Variants in SGCZ observed in about 807,000 individuals in gnomAD.
SGCZ encodes sarcoglycan zeta.
In SGCZ, 40 loss-of-function variants were observed where a neutral mutation model predicts 41.3. The ratio of observed to expected loss-of-function variants is 0.97; its 90% CI spans 0.75 to 1.26. The LOEUF (loss-of-function observed/expected upper bound fraction) is 1.26. Ranked by LOEUF, SGCZ falls within the 50% of genes most tolerant of loss-of-function variation. The pLI, the probability that SGCZ is intolerant of heterozygous loss-of-function variation, is 0.00. For synonymous variants in SGCZ, 206 were observed against 137.5 expected (o/e 1.50, Z -3.49); for missense variants, 552 against 369.8 (o/e 1.49, Z -4.04).
At chr8:14,936,565 A>T (rs1800091338) in intron 1 of SGCZ, among the ~76,000 whole-genome samples, 1 of 151,932 alleles carries the variant, frequency 6.6e-6, no homozygotes, top group South Asian at 2.1e-4. Flanking sequence ...TTTAAGTTGG[A>T]CTTTTGTAAG....
intron 1 of SGCZ, among the ~76,000 whole-genome samples, chr8:14,980,670 T>C (rs1424798067): frequency 2.6e-5 from 4 of 152,016 alleles, no homozygotes. Flanking sequence ...GATAAAACCA[T>C]CAGATCTCAT....
intron 7 of SGCZ, among the ~76,000 whole-genome samples, chr8:14,095,879 T>A (rs1801829140): frequency 6.6e-6 from 1 of 152,074 alleles, no homozygotes; most frequent in Non-Finnish European, 1.5e-5. Context: ...TGAGTGGGAG[T>A]TGACTCATGA....
At chr8:14,734,547 T>G (rs550762375) in intron 1 of SGCZ, among the ~76,000 whole-genome samples, 1 of 152,154 alleles carries the variant, frequency 6.6e-6, no homozygotes, top group Non-Finnish European at 1.5e-5. Flanking sequence ...TATTTGCCCA[T>G]TAGTCTTTTT....
chr8:14,244,136 T>TTCTTCCTTCTTCCTCCTCC (rs57852864), intron 3 of SGCZ, among the ~76,000 whole-genome samples: 3 of 135,922 alleles, frequency 2.2e-5, no homozygotes, highest in African/African-American at 8.4e-5. Flanking sequence ...TCCCCTTCTT[T>TTCTTCCTTCTTCCTCCTCC]TCTTCCTTCT....
intron 1 of SGCZ, among the ~76,000 whole-genome samples, chr8:14,826,744 G>C (rs919141646): frequency 3.9e-5 from 6 of 152,138 alleles, no homozygotes; most frequent in African/African-American, 7.2e-5. Flanking sequence ...TTTGAGAAGT[G>C]TCTGTTTATA....
chr8:14,530,756 G>C (rs1017088685), intron 2 of SGCZ, among the ~76,000 whole-genome samples: 8 of 148,536 alleles, frequency 5.4e-5, no homozygotes, highest in African/African-American at 1.9e-4. Flanking sequence ...GCTGAGGCTG[G>C]ACCATCCCTT....
At chr8:15,026,743 T>G (rs1803473062) in intron 1 of SGCZ, among the ~76,000 whole-genome samples, 1 of 152,178 alleles carries the variant, frequency 6.6e-6, no homozygotes, top group Non-Finnish European at 1.5e-5. Context: ...ATTGTGCAAA[T>G]AAAGGCATTG....
chr8:14,737,314 G>A (rs1182388294), intron 1 of SGCZ, among the ~76,000 whole-genome samples: 1 of 151,884 alleles, frequency 6.6e-6, no homozygotes, highest in African/African-American at 2.4e-5. Flanking sequence ...AAGTTTAGAA[G>A]TTCTAATGAA....
At chr8:14,970,319 A>C (rs1412014570) in intron 1 of SGCZ, among the ~76,000 whole-genome samples, 1 of 152,106 alleles carries the variant, frequency 6.6e-6, no homozygotes, top group Non-Finnish European at 1.5e-5. Context: ...TTTCATCCTT[A>C]TTAATGCTGT....
At chr8:14,466,718 T>C (rs973615294) in intron 2 of SGCZ, among the ~76,000 whole-genome samples, 25 of 152,060 alleles carry the variant, frequency 1.6e-4, no homozygotes, top group African/African-American at 5.3e-4. Context: ...TTTTTTACTC[T>C]GCCTGCTCAA....
intron 1 of SGCZ, among the ~76,000 whole-genome samples, chr8:14,636,409 T>C (rs1806830210): frequency 6.6e-6 from 1 of 151,904 alleles, no homozygotes; most frequent in Non-Finnish European, 1.5e-5. Flanking sequence ...TACTAAGCTA[T>C]GAAGGCAAGA....
chr8:14,376,503 T>A (rs182222637), intron 2 of SGCZ, among the ~76,000 whole-genome samples: 82 of 152,172 alleles, frequency 5.4e-4, no homozygotes, highest in Non-Finnish European at 1.1e-3. Flanking sequence ...TCATCAGAGA[T>A]AGAAAGCTTA....
At chr8:14,761,241 C>T (rs537393653) in intron 1 of SGCZ, among the ~76,000 whole-genome samples, 1 of 152,132 alleles carries the variant, frequency 6.6e-6, no homozygotes, top group African/African-American at 2.4e-5. Flanking sequence ...TCTAACAAAG[C>T]ACATTTCTGA....
intron 2 of SGCZ, among the ~76,000 whole-genome samples, chr8:14,349,893 G>C (rs916203326): frequency 1.1e-4 from 16 of 152,154 alleles, no homozygotes; most frequent in African/African-American, 3.4e-4. Flanking sequence ...ACACATAATA[G>C]ATACAGGATA....
chr8:14,803,658 G>A (rs977359689), intron 1 of SGCZ, among the ~76,000 whole-genome samples: 33 of 152,040 alleles, frequency 2.2e-4, no homozygotes, highest in Admixed American at 4.6e-4. Context: ...GGGGAGGGGC[G>A]CCCGCCATTG....
intron 1 of SGCZ, among the ~76,000 whole-genome samples, chr8:14,570,307 T>C (rs1191750982): frequency 6.6e-6 from 1 of 152,102 alleles, no homozygotes; most frequent in Non-Finnish European, 1.5e-5. Flanking sequence ...ATTTGTCATT[T>C]CTCCTGAATC....
intron 5 of SGCZ, among the ~76,000 whole-genome samples, chr8:14,141,413 A>C (rs1803365451): frequency 6.6e-6 from 1 of 152,224 alleles, no homozygotes; most frequent in Non-Finnish European, 1.5e-5. Flanking sequence ...TCTGTAATCA[A>C]TCCATCTGAC....
intron 2 of SGCZ, among the ~76,000 whole-genome samples, chr8:14,525,167 GATAGA>G (rs1181410271): frequency 3.6e-5 from 4 of 111,744 alleles, no homozygotes; most frequent in Non-Finnish European, 6.6e-5. Context: ...TAGATAGATA[GATAGA>G]TAGATAGATA....
chr8:14,864,474 A>G (rs1337918464), intron 1 of SGCZ, among the ~76,000 whole-genome samples: 1 of 152,142 alleles, frequency 6.6e-6, no homozygotes, highest in African/African-American at 2.4e-5. Context: ...ATAACATACA[A>G]TCTTCCATCT....
Sources: gnomAD v4.1 joint callset for allele counts (sites outside exome capture counted in the v4.1 genomes callset) on GRCh38, gnomAD v4.1.1 for gene constraint, MANE v1.5 for transcripts, NCBI Gene and HGNC (gene_info 2026-07-23, HGNC 2026-07-21) for gene names.